Variants in ZNRF3 observed in about 807,000 individuals in gnomAD.
The protein encoded by ZNRF3 is E3 ubiquitin-protein ligase ZNRF3.
ZNRF3 carries 23 observed loss-of-function variants against 72.5 expected under a neutral mutation model. The observed-to-expected ratio is 0.32, with a 90% CI of 0.23 to 0.45. The LOEUF is 0.45. ZNRF3 is among the 20% of genes least tolerant of loss of function. The pLI is 1.00. For missense variants in ZNRF3, 1,169 were observed against 1,272.1 expected (o/e 0.92, Z 1.23); for synonymous variants, 610 against 545.3 (o/e 1.12, Z -1.65).
At chr22:28,948,492 T>C (rs1260789726) in intron 1 of ZNRF3, among the ~76,000 whole-genome samples, 1 of 152,180 alleles carries the variant, frequency 6.6e-6, no homozygotes, top group African/African-American at 2.4e-5. Flanking sequence ...TTTTAGAAAA[T>C]ATAGTGAGAA....
intron 1 of ZNRF3, among the ~76,000 whole-genome samples, chr22:28,974,084 A>G (rs2035626590): frequency 6.6e-6 from 1 of 151,368 alleles, no homozygotes; most frequent in African/African-American, 2.4e-5. Context: ...CAGCCTCCCG[A>G]GTAGCTGGGA....
chr22:28,924,434 C>T (rs1002282893), intron 1 of ZNRF3, among the ~76,000 whole-genome samples: 1 of 152,122 alleles, frequency 6.6e-6, no homozygotes, highest in African/African-American at 2.4e-5. Flanking sequence ...CCTGGTGAGC[C>T]AGCTAGGAAT....
chr22:28,951,916 G>A (rs1241987993), intron 1 of ZNRF3, among the ~76,000 whole-genome samples: 6 of 152,198 alleles, frequency 3.9e-5, no homozygotes, highest in Admixed American at 1.3e-4. Context: ...CTCCCATCCC[G>A]TTTGCATGTA....
rs761053399 is a variant in ZNRF3 at position 29,050,151 on chromosome 22, A to G, written c.1970A>G (p.Gln657Arg). Residue 657 changes from glutamine (Q) to arginine (R), a missense_variant, in exon 8 of 9, where the codon CAG (glutamine) becomes CGG (arginine). By Grantham distance (43) the Gln-to-Arg change is conservative (BLOSUM62 1). Around this residue, in one of 2 missense-constraint regions of ZNRF3, gnomAD observed 783 missense variants for 731.4 expected, o/e 1.07. Coordinates refer to ENST00000544604, the MANE Select transcript of ZNRF3 (RefSeq NM_001206998.2). ...WPGPASPSGDQVSTCSLEMNY... is the reference protein window; with the variant it reads ...WPGPASPSGDRVSTCSLEMNY... ...GGCCCTGCCTCTCCCTCGGGGGATC[A>G]GGTGTCCACCTGCAGCCTGGAGATG... The G allele has an allele frequency of 1.9e-6, 3 of 1,604,512 alleles. No individual in the cohort carries two copies. In the East Asian group the frequency reaches 6.7e-5, roughly 36 times the overall value.
chr22:29,036,842 T>C (rs1439308565), intron 2 of ZNRF3, among the ~76,000 whole-genome samples: 1 of 152,158 alleles, frequency 6.6e-6, no homozygotes, highest in Non-Finnish European at 1.5e-5. Context: ...ATTTAAAATA[T>C]TTACAAAGAA....
intron 1 of ZNRF3, among the ~76,000 whole-genome samples, chr22:28,916,814 A>C (rs1476281854): frequency 6.6e-6 from 1 of 152,138 alleles, no homozygotes; most frequent in Non-Finnish European, 1.5e-5. Context: ...GTGGTTTGTA[A>C]GTCCTGACTG....
chr22:28,955,386 A>G (rs1432019643), intron 1 of ZNRF3, among the ~76,000 whole-genome samples: 2 of 151,998 alleles, frequency 1.3e-5, no homozygotes. Flanking sequence ...TATTATCAAG[A>G]GTTTGTGCTA....
chr22:28,903,545 T>C (rs1488101339), intron 1 of ZNRF3, among the ~76,000 whole-genome samples: 1 of 152,290 alleles, frequency 6.6e-6, no homozygotes, highest in East Asian at 1.9e-4. Context: ...AAAATGGGAA[T>C]GATTGGAGAG....
At chr22:28,887,079 AC>A (rs2033801675) in intron 1 of ZNRF3, among the ~76,000 whole-genome samples, 2 of 152,248 alleles carry the variant, frequency 1.3e-5, no homozygotes, top group South Asian at 4.2e-4. Flanking sequence ...TGTTATTTCC[AC>A]TGGGGTTCTG....
chr22:28,981,722 T>G (rs1237572558), intron 1 of ZNRF3, among the ~76,000 whole-genome samples: 1 of 152,158 alleles, frequency 6.6e-6, no homozygotes, highest in African/African-American at 2.4e-5. Flanking sequence ...TTCAGCCGGG[T>G]GCGATGGCTC....
At chr22:28,994,176 C>CT (rs57329565) in intron 2 of ZNRF3, among the ~76,000 whole-genome samples, 647 of 39,798 alleles carry the variant, frequency 0.016, 130 homozygotes, top group African/African-American at 0.056. Context: ...CAGTTCCTTT[C>CT]TTTTTTTTTT....
At chr22:28,955,783 G>A (rs1339384151) in intron 1 of ZNRF3, among the ~76,000 whole-genome samples, 1 of 151,852 alleles carries the variant, frequency 6.6e-6, no homozygotes, top group Non-Finnish European at 1.5e-5. Context: ...GCCAGGCATG[G>A]TGGCTCGTGC....
At position 29,056,429 on chromosome 22, in the gene ZNRF3, C is replaced by T. The variant is rs562846492; in HGVS notation, c.*2807C>T. 3.9e-5 allele frequency: 6 copies of T among 152,300 alleles called. No homozygotes were observed. The highest frequency in any genetic ancestry group is 2.6e-4 in the Admixed American group (4 of 15,296). The allele number at this position is 152,300 out of a possible 1,614,324, so 9.4% of individuals were successfully genotyped here. A position where few individuals can be genotyped will look rare whatever the true frequency, so the allele number is the denominator to read the frequency against. ...AATACCAACCATTGTCTTTTAAATT[C>T]GTGTTGGCTTCTCAGACAGGGAGAT... On this transcript the variant is annotated 3_prime_UTR_variant, in exon 9 of 9. Transcript: ENST00000544604.
chr22:29,036,810 G>A (rs1393477706), intron 2 of ZNRF3, among the ~76,000 whole-genome samples: 1 of 151,854 alleles, frequency 6.6e-6, no homozygotes, highest in East Asian at 1.9e-4. Flanking sequence ...TGTATAGTGT[G>A]TAGGAAAAAA....
intron 1 of ZNRF3, among the ~76,000 whole-genome samples, chr22:28,944,291 A>G (rs551906232): frequency 5.3e-4 from 80 of 151,660 alleles, no homozygotes; most frequent in Middle Eastern, 3.4e-3. Flanking sequence ...AAGTCTTCAC[A>G]GTTTAGAGGA....
At chr22:28,923,578 C>T (rs146010123) in intron 1 of ZNRF3, among the ~76,000 whole-genome samples, 2 of 152,016 alleles carry the variant, frequency 1.3e-5, no homozygotes, top group African/African-American at 2.4e-5. Flanking sequence ...ATGTACACAC[C>T]GTCCCTCCAT....
intron 2 of ZNRF3, among the ~76,000 whole-genome samples, chr22:29,041,224 C>T (rs1262579735): frequency 1.3e-5 from 2 of 152,190 alleles, no homozygotes; most frequent in Non-Finnish European, 2.9e-5. Flanking sequence ...CACAACCCAA[C>T]CTCTACCTCT....
At chr22:28,935,963 G>C (rs944232610) in intron 1 of ZNRF3, among the ~76,000 whole-genome samples, 1 of 152,052 alleles carries the variant, frequency 6.6e-6, no homozygotes, top group South Asian at 2.1e-4. Flanking sequence ...CCTCTGGCAG[G>C]CTCTTCTGGT....
rs1412671411 is a variant in ZNRF3, at chr22:29,030,154, G to A, written c.427-12341G>A. Among the ~76,000 whole-genome samples, 1 of 152,180 alleles carries A rather than the reference G, an allele frequency of 6.6e-6. No individual in the cohort carries two copies. Among genetic ancestry groups the A allele is most frequent in the African/African-American group, 2.4e-5 (1 of 41,428 alleles). ...GGAGGGTGTGGACAGGCTTTCCTGG[G>A]TTTTTGGTGCTCCTTGTCAGGTGTT... On this transcript the variant is annotated intron_variant, in intron 2 of 8. Coordinates refer to ENST00000544604, the MANE Select transcript of ZNRF3 (RefSeq NM_001206998.2). The surrounding 1 kb of genome is among the most constrained non-coding windows in gnomAD (Gnocchi z 4.2).
Sources: gnomAD v4.1 joint callset for allele counts (sites outside exome capture counted in the v4.1 genomes callset) on GRCh38, gnomAD v4.1.1 for gene constraint, gnomAD v4.1.1 regional missense constraint, Gnocchi (gnomAD v3.1) non-coding constraint, MANE v1.5 for transcripts, NCBI Gene and HGNC (gene_info 2026-07-23, HGNC 2026-07-21) for gene names.